Variants in NXPH1 observed in about 807,000 individuals in gnomAD.
The protein encoded by NXPH1 is neurexophilin-1.
In NXPH1, 5 loss-of-function variants were observed where a neutral mutation model predicts 23.7. That is an observed-to-expected ratio of 0.21 (90% confidence interval 0.11 to 0.44). NXPH1 has a LOEUF of 0.44. NXPH1 is among the 20% of genes least tolerant of loss of function. The pLI is 0.99. For missense variants in NXPH1, 324 were observed against 321.6 expected (o/e 1.01, Z -0.06); for synonymous variants, 144 against 122.2 (o/e 1.18, Z -1.18).
At chr7:8,513,600 T>G (rs1817643739) in intron 2 of NXPH1, among the ~76,000 whole-genome samples, 2 of 152,114 alleles carry the variant, frequency 1.3e-5, no homozygotes, top group Admixed American at 6.6e-5. Context: ...GGTAAGGGAT[T>G]GTATACCTTT....
intron 2 of NXPH1, among the ~76,000 whole-genome samples, chr7:8,666,082 A>G (rs1483339130): frequency 2.0e-5 from 3 of 151,804 alleles, no homozygotes; most frequent in Admixed American, 6.6e-5. Context: ...TTCTAGTACT[A>G]CACTGAAAAA....
At chr7:8,601,023 A>G (rs1429040159) in intron 2 of NXPH1, among the ~76,000 whole-genome samples, 1 of 152,114 alleles carries the variant, frequency 6.6e-6, no homozygotes, top group East Asian at 1.9e-4. Context: ...GAGATGATTT[A>G]AAGTATATGG....
chr7:8,520,639 T>TGAGAA (rs1817756062), intron 2 of NXPH1, among the ~76,000 whole-genome samples: 2 of 151,998 alleles, frequency 1.3e-5, no homozygotes, highest in Non-Finnish European at 2.9e-5. Context: ...TTCTCCCTGG[T>TGAGAA]TTTTCTTGTG....
intron 2 of NXPH1, among the ~76,000 whole-genome samples, chr7:8,705,204 CT>C (rs1328196958): frequency 6.6e-6 from 1 of 152,144 alleles, no homozygotes; most frequent in Non-Finnish European, 1.5e-5. Context: ...TTCCTGAAGT[CT>C]CAATCCTGAA....
In NXPH1 at chr7:8,670,628, A is replaced by AAAT. The variant is rs1184314780; in HGVS notation, c.55-80380_55-80379insAAT. ...TTTAACAGAAGTTATAACTTCTATT[A>AAAT]GCATCACCTTTAGGCTGCCCAATAT... On this transcript the variant is annotated intron_variant, in intron 2 of 2. Coordinates refer to ENST00000405863, the MANE Select transcript of NXPH1 (RefSeq NM_152745.3). Among the ~76,000 whole-genome samples, 31 of 152,344 alleles carry AAAT rather than the reference A, an allele frequency of 2.0e-4. 2 individuals carry two copies. Among genetic ancestry groups the AAAT allele is most frequent in the African/African-American group, 7.0e-4 (29 of 41,582 alleles).
chr7:8,539,720 C>G (rs893257310), intron 2 of NXPH1, among the ~76,000 whole-genome samples: 2 of 151,610 alleles, frequency 1.3e-5, no homozygotes, highest in Admixed American at 6.6e-5. Context: ...AATAATATTA[C>G]CAGACACATG....
At chr7:8,688,535 T>A (rs1368558416) in intron 2 of NXPH1, among the ~76,000 whole-genome samples, 3 of 152,172 alleles carry the variant, frequency 2.0e-5, no homozygotes, top group Non-Finnish European at 4.4e-5. Context: ...GAAGTACAGT[T>A]AAAGAAGCAA....
chr7:8,616,374 C>T (rs113502918), intron 2 of NXPH1, among the ~76,000 whole-genome samples: 2,049 of 152,174 alleles, frequency 0.013, 60 homozygotes, highest in African/African-American at 0.047. Context: ...ATCAGGACTC[C>T]TCATTGCCCT....
At chr7:8,531,470 C>T (rs748887756) in intron 2 of NXPH1, among the ~76,000 whole-genome samples, 4 of 152,104 alleles carry the variant, frequency 2.6e-5, no homozygotes, top group South Asian at 2.1e-4. Context: ...CTAATATCAG[C>T]GATCTCTTCT....
chr7:8,632,810 T>G (rs1442660633), intron 2 of NXPH1, among the ~76,000 whole-genome samples: 1 of 152,208 alleles, frequency 6.6e-6, no homozygotes, highest in Non-Finnish European at 1.5e-5. Flanking sequence ...GTTAGAAGAT[T>G]TTGAATATAT....
At chr7:8,672,442 C>T (rs1820886452) in intron 2 of NXPH1, among the ~76,000 whole-genome samples, 1 of 151,370 alleles carries the variant, frequency 6.6e-6, no homozygotes, top group Admixed American at 6.6e-5. Flanking sequence ...GCACATTGTG[C>T]ACATGTACCC....
intron 2 of NXPH1, among the ~76,000 whole-genome samples, chr7:8,699,764 A>AT (rs1779592527): frequency 6.6e-6 from 1 of 152,108 alleles, no homozygotes; most frequent in Non-Finnish European, 1.5e-5. Flanking sequence ...TAAAAGATTG[A>AT]TTTTTAACGT....
chr7:8,627,246 G>C (rs1396535056), intron 2 of NXPH1, among the ~76,000 whole-genome samples: 1 of 151,896 alleles, frequency 6.6e-6, no homozygotes, highest in Non-Finnish European at 1.5e-5. Flanking sequence ...CATGACCTCG[G>C]GCAAGGTAAC....
At chr7:8,575,139 A>C (rs1818727510) in intron 2 of NXPH1, among the ~76,000 whole-genome samples, 1 of 152,192 alleles carries the variant, frequency 6.6e-6, no homozygotes, top group Non-Finnish European at 1.5e-5. Flanking sequence ...ATTTTGTCAT[A>C]AAACTTTGCT....
chr7:8,624,602 C>T (rs1035881928), intron 2 of NXPH1, among the ~76,000 whole-genome samples: 2 of 152,080 alleles, frequency 1.3e-5, no homozygotes, highest in Non-Finnish European at 2.9e-5. Flanking sequence ...AGGGAGCACA[C>T]AGCCCATGGT....
intron 2 of NXPH1, among the ~76,000 whole-genome samples, chr7:8,570,555 A>C (rs973490462): frequency 6.6e-6 from 1 of 152,046 alleles, no homozygotes; most frequent in Non-Finnish European, 1.5e-5. Context: ...TGGGAAGTGC[A>C]GATAATCATA....
intron 2 of NXPH1, among the ~76,000 whole-genome samples, chr7:8,541,773 T>C (rs1818121049): frequency 6.6e-6 from 1 of 151,628 alleles, no homozygotes; most frequent in African/African-American, 2.4e-5. Context: ...TTATACTATA[T>C]ATAAAGTGGT....
intron 2 of NXPH1, among the ~76,000 whole-genome samples, chr7:8,473,839 G>C (rs1324861531): frequency 6.6e-6 from 1 of 151,842 alleles, no homozygotes; most frequent in Non-Finnish European, 1.5e-5. Context: ...TAGTCTAGAT[G>C]AATCTACCCC....
At chr7:8,538,405 A>G (rs1818062498) in intron 2 of NXPH1, among the ~76,000 whole-genome samples, 1 of 151,932 alleles carries the variant, frequency 6.6e-6, no homozygotes, top group South Asian at 2.1e-4. Flanking sequence ...TAGGGGTAGG[A>G]TAAAACCTGG....
Sources: gnomAD v4.1 joint callset for allele counts (sites outside exome capture counted in the v4.1 genomes callset) on GRCh38, gnomAD v4.1.1 for gene constraint, MANE v1.5 for transcripts, NCBI Gene and HGNC (gene_info 2026-07-23, HGNC 2026-07-21) for gene names.